The following ADCY5 variants were observed in gnomAD, a reference collection of about 807,000 sequenced individuals.
ADCY5 encodes adenylate cyclase 5, also known as adenylate cyclase type 5.
ADCY5 carries 30 observed loss-of-function variants against 119.7 expected under a neutral mutation model. The ratio of observed to expected loss-of-function variants is 0.25; its 90% confidence interval spans 0.19 to 0.34. ADCY5 has a LOEUF of 0.34. Ranked by LOEUF, ADCY5 falls within the 10% of genes least tolerant of loss-of-function variation. The pLI is 1.00. For missense variants in ADCY5, 1,324 were observed against 1,775.2 expected, an observed-to-expected ratio of 0.75 and a Z score of 4.57; for synonymous variants, 753 against 762.2, an observed-to-expected ratio of 0.99 and a Z score of 0.20.
intron 4 of ADCY5, among the ~76,000 whole-genome samples, chr3:123,331,730 G>T (rs1941772597): frequency 6.6e-6 from 1 of 151,086 alleles, no homozygotes; most frequent in South Asian, 2.1e-4. Context: ...TGAGAAACAG[G>T]GATTCAAGTG....
intron 1 of ADCY5, among the ~76,000 whole-genome samples, chr3:123,365,275 G>A (rs927419626): frequency 1.3e-5 from 2 of 152,188 alleles, no homozygotes; most frequent in Admixed American, 6.5e-5. Flanking sequence ...ATATTGTAAC[G>A]TAAGCATGTT....
chr3:123,401,467 C>T (rs923854442), intron 1 of ADCY5, among the ~76,000 whole-genome samples: 2 of 152,190 alleles, frequency 1.3e-5, no homozygotes, highest in Non-Finnish European at 2.9e-5. Context: ...GGATGAAAAA[C>T]AAGCATCTGT....
intron 1 of ADCY5, among the ~76,000 whole-genome samples, chr3:123,376,984 G>A (rs1203288528): frequency 6.6e-6 from 1 of 152,122 alleles, no homozygotes; most frequent in Non-Finnish European, 1.5e-5. Flanking sequence ...AAACAATGAG[G>A]AGATGTGCCC....
At chr3:123,379,972 C>G (rs1266308317) in intron 1 of ADCY5, among the ~76,000 whole-genome samples, 1 of 152,134 alleles carries the variant, frequency 6.6e-6, no homozygotes, top group Non-Finnish European at 1.5e-5. Context: ...AATACAAAGG[C>G]AGGGTCAGAA....
At chr3:123,327,859 A>C in intron 6 of ADCY5, 100 bp from the exon 7 acceptor site, 1 of 1,391,528 alleles carries the variant, frequency 7.2e-7, no homozygotes. Flanking sequence ...GTTCACCACA[A>C]TTCAAACCCT....
At position 123,300,843 on chromosome 3, in the gene ADCY5, C is replaced by T. The variant is rs151003043; in HGVS notation, c.2725-548G>A. Among the ~76,000 whole-genome samples, 965 of 152,318 alleles carry T rather than the reference C, an allele frequency of 6.3e-3. 17 individuals are homozygous for T. The highest frequency in any genetic ancestry group is 0.021 in the African/African-American group (877 of 41,564). On this transcript the variant is annotated intron_variant, in intron 14 of 20. Transcript: ENST00000462833. Reference sequence around the variant, plus strand: ...GCAAAAGCTGACCTCACTTCTGGGACGCTAGTTATCATCTTTATCCTGTCC... The same window carrying T: ...GCAAAAGCTGACCTCACTTCTGGGATGCTAGTTATCATCTTTATCCTGTCC...
chr3:123,370,922 G>C (rs1943615700), intron 1 of ADCY5, among the ~76,000 whole-genome samples: 1 of 152,180 alleles, frequency 6.6e-6, no homozygotes, highest in Non-Finnish European at 1.5e-5. Context: ...GGGAAGGCAG[G>C]ATGAGGCTGG....
intron 17 of ADCY5, among the ~76,000 whole-genome samples, chr3:123,291,928 C>T (rs4234212): frequency 0.45 from 67,998 of 152,036 alleles, 15,657 homozygotes; most frequent in East Asian, 0.69. Context: ...CAGATGCAGC[C>T]AGGAGGAGCA....
At chr3:123,344,941 A>G (rs1942460365) in intron 3 of ADCY5, among the ~76,000 whole-genome samples, 1 of 152,168 alleles carries the variant, frequency 6.6e-6, no homozygotes, top group Non-Finnish European at 1.5e-5. Context: ...AAATTATAGC[A>G]TCTTGATTTT....
At chr3:123,313,476 T>TC (rs1559797723) in intron 12 of ADCY5, among the ~76,000 whole-genome samples, 2 of 152,038 alleles carry the variant, frequency 1.3e-5, no homozygotes, top group Admixed American at 1.3e-4. Flanking sequence ...CACAGATCTG[T>TC]CCCAGGGATG....
intron 1 of ADCY5, among the ~76,000 whole-genome samples, chr3:123,374,041 A>C (rs1046592606): frequency 2.0e-5 from 3 of 152,168 alleles, no homozygotes; most frequent in African/African-American, 7.2e-5. Flanking sequence ...AAGGTAGAAA[A>C]CACAGGAGAA....
At chr3:123,434,925 C>T (rs1278736217) in intron 1 of ADCY5, among the ~76,000 whole-genome samples, 1 of 152,190 alleles carries the variant, frequency 6.6e-6, no homozygotes, top group African/African-American at 2.4e-5. Context: ...ATGTGACAAT[C>T]CCCTCTCTGG....
rs576498082 is a variant in ADCY5 at position 123,308,248 on chromosome 3, A to G, written c.2443-4065T>C. On this transcript the variant is annotated intron_variant, in intron 12 of 20. Coordinates refer to ENST00000462833, the MANE Select transcript of ADCY5 (RefSeq NM_183357.3). ...CAGACAGGGTTTCACTGTGTTAGCC[A>G]GGATGGTCTTGATCTGCTGACCTCG... Among the ~76,000 whole-genome samples, 10 of 151,834 alleles carry G rather than the reference A, an allele frequency of 6.6e-5. No homozygotes were observed. In the East Asian group the frequency reaches 1.6e-3, roughly 24 times the overall value.
intron 10 of ADCY5, 93 bp from the exon 11 acceptor site, chr3:123,318,210 T>C: frequency 1.1e-6 from 1 of 937,016 alleles, no homozygotes; most frequent in Non-Finnish European, 1.7e-6. Context: ...AAGCCACTCA[T>C]GGCTGGTCAC....
intron 14 of ADCY5, among the ~76,000 whole-genome samples, chr3:123,301,290 C>T (rs1373698092): frequency 6.6e-6 from 1 of 152,218 alleles, no homozygotes; most frequent in African/African-American, 2.4e-5. Flanking sequence ...AGGGCAGACC[C>T]TCAGCCTCCT....
intron 3 of ADCY5, among the ~76,000 whole-genome samples, chr3:123,338,466 ACTGT>A (rs1324503562): frequency 6.6e-6 from 1 of 152,180 alleles, no homozygotes; most frequent in Non-Finnish European, 1.5e-5. Flanking sequence ...CCTACAGCAG[ACTGT>A]CTGTTCTGCT....
intron 1 of ADCY5, among the ~76,000 whole-genome samples, chr3:123,402,748 G>A (rs1295834036): frequency 6.6e-6 from 1 of 151,890 alleles, no homozygotes; most frequent in African/African-American, 2.4e-5. Flanking sequence ...AGCTACTCGG[G>A]AGGCAGAGGC....
rs57105101 is a variant in ADCY5, at chr3:123,359,331, A to AATATATATATATATATATATATATATAT, written c.1135-6778_1135-6751dup. Among the ~76,000 whole-genome samples, 303 of 109,642 alleles carry AATATATATATATATATATATATATATAT rather than the reference A, an allele frequency of 2.8e-3. 5 individuals carry two copies. The highest frequency in any genetic ancestry group is 5.4e-3 in the Middle Eastern group (1 of 186). The allele number at this position is 109,642 out of a possible 152,430, so 71.9% of individuals were successfully genotyped here. ...AATATTTGGGACCTACTTATACTAA[A>AATATATATATATATATATATATATATAT]ATATATATATATATATATATATATA... On this transcript the variant is annotated intron_variant, in intron 1 of 20. Transcript: ENST00000462833.
chr3:123,364,418 G>A (rs1294933054), intron 1 of ADCY5, among the ~76,000 whole-genome samples: 1 of 152,168 alleles, frequency 6.6e-6, no homozygotes, highest in Non-Finnish European at 1.5e-5. Context: ...GACCCTTCCT[G>A]GAGAAGTGTC....
Sources: gnomAD v4.1 joint callset for allele counts (sites outside exome capture counted in the v4.1 genomes callset) on GRCh38, gnomAD v4.1.1 for gene constraint, MANE v1.5 for transcripts, NCBI Gene and HGNC (gene_info 2026-07-23, HGNC 2026-07-21) for gene names.